The following GSG1L variants were observed in gnomAD, a reference collection of about 807,000 sequenced individuals.
The protein encoded by GSG1L is GSG1 like.
A neutral mutation model predicts 42.1 loss-of-function variants in GSG1L; 24 were observed. The ratio of observed to expected loss-of-function variants is 0.57; its 90% CI spans 0.41 to 0.80. The LOEUF is 0.80. GSG1L is among the 30% of genes least tolerant of loss of function. GSG1L has a pLI of 0.00. For missense variants in GSG1L, 445 were observed against 472.2 expected (o/e 0.94, Z 0.53); for synonymous variants, 215 against 203.5 (o/e 1.06, Z -0.48).
intron 1 of GSG1L, among the ~76,000 whole-genome samples, chr16:28,025,524 C>T (rs1011412893): frequency 1.3e-5 from 2 of 152,236 alleles, no homozygotes; most frequent in Non-Finnish European, 2.9e-5. Flanking sequence ...CCGGCTCAAC[C>T]CTCCCTGGCT....
chr16:28,005,377 G>T (rs2085627273), intron 1 of GSG1L, among the ~76,000 whole-genome samples: 1 of 152,210 alleles, frequency 6.6e-6, no homozygotes, highest in Non-Finnish European at 1.5e-5. Flanking sequence ...GCCTCCCAAA[G>T]TGGTGGGATT....
At chr16:28,056,102 G>C (rs2086276421) in intron 1 of GSG1L, among the ~76,000 whole-genome samples, 1 of 152,144 alleles carries the variant, frequency 6.6e-6, no homozygotes, top group South Asian at 2.1e-4. Context: ...CAGAGCCCCA[G>C]TACATTCCAC....
chr16:27,918,109 C>A (rs1285513772), intron 2 of GSG1L, among the ~76,000 whole-genome samples: 2 of 152,200 alleles, frequency 1.3e-5, no homozygotes, highest in Admixed American at 1.3e-4. Context: ...CTCTCTTCCC[C>A]TGAGGTTGCA....
At chr16:27,823,606 G>A (rs529943768) in intron 5 of GSG1L, among the ~76,000 whole-genome samples, 1 of 152,256 alleles carries the variant, frequency 6.6e-6, no homozygotes, top group Admixed American at 6.5e-5. Context: ...CCACAGATAG[G>A]AAACGTGGGG....
At chr16:27,947,392 G>T (rs1377341106) in intron 2 of GSG1L, among the ~76,000 whole-genome samples, 1 of 86,890 alleles carries the variant, frequency 1.2e-5, no homozygotes, top group South Asian at 4.2e-4. Context: ...GAAAAAGAAA[G>T]AAAGAAAGAA....
chr16:27,842,432 CTG>C (rs1294952185), intron 4 of GSG1L, among the ~76,000 whole-genome samples: 1 of 152,254 alleles, frequency 6.6e-6, no homozygotes, highest in Non-Finnish European at 1.5e-5. Context: ...CTTAAGTTCT[CTG>C]TGCCTCCATG....
intron 3 of GSG1L, among the ~76,000 whole-genome samples, chr16:27,855,371 C>T (rs532610242): frequency 6.6e-6 from 1 of 152,192 alleles, no homozygotes; most frequent in Non-Finnish European, 1.5e-5. Flanking sequence ...ATTCATTCCA[C>T]ATGTAGCTAT....
chr16:28,007,645 T>C (rs2085659706), intron 1 of GSG1L, among the ~76,000 whole-genome samples: 1 of 152,250 alleles, frequency 6.6e-6, no homozygotes, highest in South Asian at 2.1e-4. Context: ...CCTGAGTATC[T>C]GGGACCACAG....
At chr16:27,955,807 G>A (rs547123386) in intron 2 of GSG1L, among the ~76,000 whole-genome samples, 1 of 151,550 alleles carries the variant, frequency 6.6e-6, no homozygotes, top group African/African-American at 2.4e-5. Flanking sequence ...ATGGTAAAAA[G>A]GGCTTCCAGA....
At position 27,788,419 on chromosome 16, in the gene GSG1L, C is replaced by T. The variant is rs733683; in HGVS notation, c.*2951G>A. The stretch of plus-strand genomic sequence containing the variant: ...CCAGTCTGCTAAAAGCATCTCACTG[C>T]CCACTCCCCATTGCCCCAGGGTAAA... On this transcript the variant is annotated 3_prime_UTR_variant, in exon 7 of 7. Transcript: ENST00000447459. 0.17 allele frequency: 26,515 copies of T among 152,210 alleles called. 2,356 individuals are homozygous for T. The highest frequency in any genetic ancestry group is 0.22 in the African/African-American group (9,272 of 41,492). The allele number at this position is 152,210 out of a possible 1,614,324, so 9.4% of individuals were successfully genotyped here.
At chr16:27,941,832 G>A (rs2141084115) in intron 2 of GSG1L, among the ~76,000 whole-genome samples, 1 of 152,186 alleles carries the variant, frequency 6.6e-6, no homozygotes, top group Non-Finnish European at 1.5e-5. Context: ...AAGACATTAT[G>A]TTTCATGAAA....
intron 4 of GSG1L, among the ~76,000 whole-genome samples, chr16:27,838,549 T>G (rs1378135761): frequency 6.6e-6 from 1 of 152,130 alleles, no homozygotes; most frequent in Non-Finnish European, 1.5e-5. Flanking sequence ...TGTCAATTCT[T>G]CATCCCCTGG....
intron 3 of GSG1L, among the ~76,000 whole-genome samples, chr16:27,877,741 C>T (rs2141017917): frequency 6.6e-6 from 1 of 152,300 alleles, no homozygotes; most frequent in African/African-American, 2.4e-5. Context: ...TGAAAATTGC[C>T]CACCTTTGAT....
intron 2 of GSG1L, among the ~76,000 whole-genome samples, chr16:27,955,111 A>G (rs1596644039): frequency 6.6e-6 from 1 of 152,242 alleles, no homozygotes; most frequent in Non-Finnish European, 1.5e-5. Flanking sequence ...AAGGAAAACA[A>G]TATAAAAGAC....
chr16:27,944,515 G>A (rs1029404588), intron 2 of GSG1L, among the ~76,000 whole-genome samples: 5 of 151,966 alleles, frequency 3.3e-5, no homozygotes, highest in Non-Finnish European at 4.4e-5. Flanking sequence ...CCAGCTACTC[G>A]GGAGGCTGAG....
chr16:27,970,998 T>A (rs1039155349), intron 1 of GSG1L, among the ~76,000 whole-genome samples: 3 of 152,246 alleles, frequency 2.0e-5, no homozygotes, highest in African/African-American at 7.2e-5. Context: ...CTCAGTTCTA[T>A]TCCATTAATT....
chr16:27,872,396 G>A (rs1042977983), intron 3 of GSG1L, among the ~76,000 whole-genome samples: 5 of 152,270 alleles, frequency 3.3e-5, no homozygotes, highest in East Asian at 1.9e-4. Context: ...AGCCAAAATC[G>A]CCACTTACTA....
chr16:27,988,114 AAGTTTAAGTTTATAT>A (rs1458334052), intron 1 of GSG1L, among the ~76,000 whole-genome samples: 1 of 152,148 alleles, frequency 6.6e-6, no homozygotes, highest in Non-Finnish European at 1.5e-5. Flanking sequence ...TTTTAAACAC[AAGTTTAAGTTTATAT>A]ACTTTAAGTA....
At chr16:27,823,534 C>T (rs1010889739) in intron 5 of GSG1L, among the ~76,000 whole-genome samples, 2 of 152,056 alleles carry the variant, frequency 1.3e-5, no homozygotes, top group East Asian at 1.9e-4. Flanking sequence ...ACTACCTTGT[C>T]GCTGGTCTCC....
Sources: gnomAD v4.1 joint callset for allele counts (sites outside exome capture counted in the v4.1 genomes callset) on GRCh38, gnomAD v4.1.1 for gene constraint, MANE v1.5 for transcripts, NCBI Gene and HGNC (gene_info 2026-07-23, HGNC 2026-07-21) for gene names.